Variants in NPSR1 observed in about 807,000 individuals in gnomAD.
NPSR1 encodes the protein neuropeptide S receptor.
NPSR1 carries 48 observed loss-of-function variants against 46.9 expected under a neutral mutation model. That is an observed-to-expected ratio of 1.02 (90% CI 0.81 to 1.30). The LOEUF is 1.30. NPSR1 is among the 50% of genes most tolerant of loss of function. The pLI, the probability that NPSR1 is intolerant of heterozygous loss-of-function variation, is 0.00. For missense variants in NPSR1, 450 were observed against 449.5 expected (o/e 1.00, Z -0.01); for synonymous variants, 176 against 168.1 (o/e 1.05, Z -0.36).
chr7:34,743,815 G>A (rs578201458), intron 2 of NPSR1, among the ~76,000 whole-genome samples: 2 of 152,126 alleles, frequency 1.3e-5, no homozygotes, highest in South Asian at 4.2e-4. Flanking sequence ...AAAGTACCAG[G>A]CTTGTCTAGT....
chr7:34,804,558 A>AATG (rs1344168431), intron 3 of NPSR1, among the ~76,000 whole-genome samples: 9 of 152,094 alleles, frequency 5.9e-5, no homozygotes, highest in African/African-American at 2.2e-4. Context: ...AAAACCATAC[A>AATG]GTTAACCTCA....
intron 2 of NPSR1, among the ~76,000 whole-genome samples, chr7:34,690,708 A>C (rs1793206252): frequency 6.6e-6 from 1 of 152,210 alleles, no homozygotes; most frequent in African/African-American, 2.4e-5. Context: ...AGAAATGCCT[A>C]GTGCCTTTGA....
intron 5 of NPSR1, 52 bp downstream of exon 5, chr7:34,827,654 T>A (rs1668235899): frequency 2.3e-6 from 2 of 882,284 alleles, no homozygotes; most frequent in African/African-American, 1.6e-5. Flanking sequence ...GGGGGGGGCT[T>A]TCCTGTTTCT....
rs142599655 is a variant in NPSR1 at position 34,783,617 on chromosome 7, T to C, written c.384+5052T>C. Reference sequence around the variant, plus strand: ...TTAAAGAAATAATAGCAGAATAGTTTGCAAATCTGGGGAAAGATACAAATA... The same window carrying C: ...TTAAAGAAATAATAGCAGAATAGTTCGCAAATCTGGGGAAAGATACAAATA... On this transcript the variant is annotated intron_variant, in intron 3 of 8. Transcript: ENST00000360581. Among the ~76,000 whole-genome samples, 394 of 152,128 alleles carry C rather than the reference T, an allele frequency of 2.6e-3. 3 individuals are homozygous for C. Among genetic ancestry groups the C allele is most frequent in the African/African-American group, 9.0e-3 (375 of 41,530 alleles).
intron 2 of NPSR1, among the ~76,000 whole-genome samples, chr7:34,701,278 C>G (rs34395148): frequency 0.038 from 5,825 of 152,306 alleles, 160 homozygotes; most frequent in Non-Finnish European, 0.054. Flanking sequence ...GCCATATATC[C>G]TCTCCCTGGG....
At chr7:34,715,184 T>A (rs1398280683) in intron 2 of NPSR1, among the ~76,000 whole-genome samples, 1 of 152,176 alleles carries the variant, frequency 6.6e-6, no homozygotes, top group African/African-American at 2.4e-5. Context: ...TTTAGGTTGC[T>A]TGAAAGGCGG....
chr7:34,854,385 A>T (rs538380877), downstream of NPSR1, among the ~76,000 whole-genome samples: 182 of 152,300 alleles, frequency 1.2e-3, 1 homozygote, highest in African/African-American at 3.9e-3. Flanking sequence ...CTGATTTTTT[A>T]AAAAATAAAT....
Position 34,849,963 on chromosome 7 carries a change from G to C in NPSR1, c.*308G>C. On this transcript the variant is annotated 3_prime_UTR_variant, in exon 9 of 9. Coordinates refer to ENST00000360581, the MANE Select transcript of NPSR1 (RefSeq NM_207172.2). ...ATTAGTGGTCCAGGGTCCTGGCTTG[G>C]AGCCAGTGAGTAGACAGGCAAGCAG... The C allele has an allele frequency of 2.7e-6, 3 of 1,104,028 alleles. No individual in the cohort carries two copies. Among genetic ancestry groups the C allele is most frequent in the Non-Finnish European group, 2.2e-6 (2 of 903,626 alleles). 68.4% of individuals were successfully genotyped at this position (1,104,028 alleles called of 1,614,324 possible). A position where few individuals can be genotyped will look rare whatever the true frequency, so the allele number is the denominator to read the frequency against.
chr7:34,847,300 A>G (rs1329576902), intron 7 of NPSR1, among the ~76,000 whole-genome samples: 1 of 152,164 alleles, frequency 6.6e-6, no homozygotes, highest in Non-Finnish European at 1.5e-5. Context: ...TGGGAGAAGG[A>G]GAGTGGAGAA....
rs1291537772 is a variant in NPSR1 at position 34,802,217 on chromosome 7, T to C, written c.385-9553T>C. Among the ~76,000 whole-genome samples the C allele has an allele frequency of 6.0e-5, 9 of 150,270 alleles. 1 individual carries two copies. Among genetic ancestry groups the C allele is most frequent in the African/African-American group, 1.5e-4 (6 of 39,646 alleles). On this transcript the variant is annotated intron_variant, in intron 3 of 8. Coordinates refer to ENST00000360581, the MANE Select transcript of NPSR1 (RefSeq NM_207172.2). Reference sequence around the variant, plus strand: ...CTTCACAGAATTGGAAAAAACTACTTTAAACTTCATATGGAACCAAAAAAG... The same window carrying C: ...CTTCACAGAATTGGAAAAAACTACTCTAAACTTCATATGGAACCAAAAAAG...
chr7:34,849,478 T>G, intron 8 of NPSR1, 87 bp from the exon 9 acceptor site: 1 of 1,603,820 alleles, frequency 6.2e-7, no homozygotes, highest in Non-Finnish European at 8.5e-7. Context: ...TAATACATTT[T>G]TCATAACTAT....
At chr7:34,819,390 A>C (rs1400963132) in intron 4 of NPSR1, among the ~76,000 whole-genome samples, 1 of 152,178 alleles carries the variant, frequency 6.6e-6, no homozygotes, top group East Asian at 1.9e-4. Context: ...CAGTTAGAAT[A>C]GTGACCATTA....
chr7:34,785,092 T>C, intron 3 of NPSR1, among the ~76,000 whole-genome samples: 1 of 151,832 alleles, frequency 6.6e-6, no homozygotes, highest in East Asian at 1.9e-4. Flanking sequence ...GTATGTTTAT[T>C]GTGGCACTAT....
At chr7:34,718,598 C>T (rs984040174) in intron 2 of NPSR1, among the ~76,000 whole-genome samples, 1 of 152,132 alleles carries the variant, frequency 6.6e-6, no homozygotes, top group Non-Finnish European at 1.5e-5. Context: ...GTCAATACAG[C>T]CTCTTCCTTG....
At chr7:34,789,610 T>G (rs1361557519) in intron 3 of NPSR1, among the ~76,000 whole-genome samples, 2 of 151,602 alleles carry the variant, frequency 1.3e-5, no homozygotes, top group South Asian at 2.1e-4. Context: ...CTGACCAACA[T>G]GCAGAAACCC....
intron 4 of NPSR1, among the ~76,000 whole-genome samples, chr7:34,824,579 C>G (rs1014271659): frequency 1.3e-5 from 2 of 152,164 alleles, no homozygotes; most frequent in Admixed American, 6.5e-5. Flanking sequence ...AGCTCCAAGC[C>G]TATACCCTGC....
chr7:34,751,497 T>C, intron 2 of NPSR1: 1 of 1,379,298 alleles, frequency 7.3e-7, no homozygotes, highest in Non-Finnish European at 1.0e-6. Flanking sequence ...TGTCATCTGC[T>C]GCCCCAACCA....
intron 3 of NPSR1, among the ~76,000 whole-genome samples, chr7:34,781,346 A>G (rs192203431): frequency 5.3e-5 from 8 of 152,346 alleles, no homozygotes; most frequent in African/African-American, 1.9e-4. Context: ...ATAGACAGCT[A>G]TTCACAAACT....
intron 1 of NPSR1, among the ~76,000 whole-genome samples, chr7:34,666,054 G>A (rs1210348903): frequency 6.6e-6 from 1 of 152,228 alleles, no homozygotes; most frequent in Non-Finnish European, 1.5e-5. Context: ...AAGCTCATGT[G>A]AATGAATTTG....
Sources: gnomAD v4.1 joint callset for allele counts (sites outside exome capture counted in the v4.1 genomes callset) on GRCh38, gnomAD v4.1.1 for gene constraint, MANE v1.5 for transcripts, NCBI Gene and HGNC (gene_info 2026-07-23, HGNC 2026-07-21) for gene names.